ATP1A3: variants seen among roughly 807,000 people sequenced by gnomAD.
ATP1A3 encodes ATPase Na+/K+ transporting subunit alpha 3, also known as sodium/potassium-transporting ATPase subunit alpha-3.
Under a neutral mutation model 108.8 loss-of-function variants are expected in ATP1A3, and 12 were observed. That is an observed-to-expected ratio of 0.11 (90% CI 0.07 to 0.18). The LOEUF is 0.18. Ranked by LOEUF, ATP1A3 falls within the 10% of genes least tolerant of loss-of-function variation. The pLI is 1.00. For synonymous variants in ATP1A3, 539 were observed against 564.5 expected (o/e 0.95, Z 0.64); for missense variants, 498 against 1,387.7 (o/e 0.36, Z 10.19).
At chr19:41,987,841 G>T in intron 4 of ATP1A3, 95 bp downstream of exon 4, 3 of 1,429,872 alleles carry the variant, frequency 2.1e-6, no homozygotes, top group Non-Finnish European at 2.9e-6. Flanking sequence ...GGGAGAGTGG[G>T]CTGTGAAAAG....
At position 41,978,597 on chromosome 19, in the gene ATP1A3, G is replaced by A; in HGVS notation, c.1630+9C>T. The A allele has an allele frequency of 6.2e-7, 1 of 1,612,708 alleles. No homozygotes were observed. The highest frequency in any genetic ancestry group is 1.1e-5 in the South Asian group (1 of 91,064). The stretch of plus-strand genomic sequence containing the variant: ...CAGGGACCCCAGAGCCCGCCCGGCA[G>A]CCTCGCACCAAGCACGCGCTCGCCC... On this transcript the variant is annotated intron_variant, in intron 12 of 22. Coordinates refer to ENST00000648268, the MANE Select transcript of ATP1A3 (RefSeq NM_152296.5). This position sits in a 1 kb window ranked among gnomAD's most constrained non-coding sequence, Gnocchi z 8.3.
Position 41,966,694 on chromosome 19 carries a change from T to C in ATP1A3, c.*243A>G. ...AGGGAGGTGGCTGGGGCGGGAGGAA[T>C]GGATAGAGGGGTGAGGAGAGGGAGA... is the stretch of plus-strand genomic sequence containing the variant. On this transcript the variant is annotated 3_prime_UTR_variant, in exon 23 of 23. Transcript: ENST00000648268. 1 of 1,529,636 alleles carries C rather than the reference T, an allele frequency of 6.5e-7. No individual in the cohort carries two copies. The allele number at this position is 1,529,636 out of a possible 1,614,324, so 94.8% of individuals were successfully genotyped here. A position where few individuals can be genotyped will look rare whatever the true frequency, so the allele number is the denominator to read the frequency against.
chr19:41,968,637 C>T lies in ATP1A3; in HGVS notation c.2819+148G>A. 1.5e-6 allele frequency: 2 copies of T among 1,335,676 alleles called. No individual in the cohort carries two copies. The highest frequency in any genetic ancestry group is 1.0e-6 in the Non-Finnish European group (1 of 974,144). The allele number at this position is 1,335,676 out of a possible 1,614,324, so 82.7% of individuals were successfully genotyped here. On this transcript the variant is annotated intron_variant, in intron 20 of 22. Transcript: ENST00000648268. The surrounding 1 kb of genome is among the most constrained non-coding windows in gnomAD (Gnocchi z 5.0). The stretch of plus-strand genomic sequence containing the variant: ...GCTGCAGTGAGCTATGATTACACCA[C>T]TGAACTCCAGTCTGGGTGACAGAGT...
chr19:41,976,759 G>A (rs1335778858), intron 14 of ATP1A3, among the ~76,000 whole-genome samples, 193 bp from the exon 15 acceptor site: 1 of 152,092 alleles, frequency 6.6e-6, no homozygotes, highest in Non-Finnish European at 1.5e-5. Flanking sequence ...GGGCAGACCT[G>A]AGGAAGGACT....
chr19:41,986,360 G>A, intron 4 of ATP1A3, 131 bp from the exon 5 acceptor site: 1 of 803,698 alleles, frequency 1.2e-6, no homozygotes, highest in South Asian at 1.6e-5. Context: ...ACCCTAGGTT[G>A]GTTATGAGGG....
rs1244581597 is a variant in ATP1A3 at position 41,988,661 on chromosome 19, G to T, written c.7-99C>A. ...CCCTCCATGCCCCAGCTATCCTCCT[G>T]GCCGGTGCCCCTGCATCTCTGGGTG... On this transcript the variant is annotated intron_variant, in intron 1 of 22. Coordinates refer to ENST00000648268, the MANE Select transcript of ATP1A3 (RefSeq NM_152296.5). This position sits in a 1 kb window ranked among gnomAD's most constrained non-coding sequence, Gnocchi z 5.3. The T allele has an allele frequency of 8.1e-6, 13 of 1,604,564 alleles. No homozygotes were observed. Among genetic ancestry groups the T allele is most frequent in the Non-Finnish European group, 1.1e-5 (13 of 1,176,834 alleles).
At position 41,975,804 on chromosome 19, in the gene ATP1A3, G is replaced by GGA; in HGVS notation, c.2095-9_2095-8dup. On this transcript the variant is annotated splice_polypyrimidine_tract_variant and splice_region_variant and intron_variant, in intron 15 of 22. Transcript: ENST00000648268. Reference sequence around the variant, plus strand: ...TCACAGCCACAATTGCACCCTGGAGGGAGAGAGGGTAAGGATGACACCCAG... The same window carrying GGA: ...TCACAGCCACAATTGCACCCTGGAGGGAGAGAGAGGGTAAGGATGACACCCAG... 1 of 1,613,996 alleles carries GGA rather than the reference G, an allele frequency of 6.2e-7. No individual in the cohort carries two copies. The highest frequency in any genetic ancestry group is 8.5e-7 in the Non-Finnish European group (1 of 1,179,960).
chr19:41,988,029 C>G lies in ATP1A3; in HGVS notation c.264G>C (p.Gly88=). The G allele has an allele frequency of 6.2e-7, 1 of 1,614,112 alleles. No homozygotes were observed. The highest frequency in any genetic ancestry group is 8.5e-7 in the Non-Finnish European group (1 of 1,180,028). The change falls in exon 4 of 23, where the codon GGG becomes GGC. Residue 88 remains glycine, a synonymous_variant. Transcript: ENST00000648268. This position sits in a 1 kb window ranked among gnomAD's most constrained non-coding sequence, Gnocchi z 5.3. ...CGATCCACAGCAGGATGGAGAAGCC[C>G]CCGAAGAGCTGCCGGCAAAACTTGA... ...EWVKFCRQLF[G]GFSILLWIGA... is the part of the protein sequence containing the mutation.
In ATP1A3 at chr19:41,985,340, C is replaced by T. The variant is rs1555865010; in HGVS notation, c.690G>A (p.Arg230=). 1 of 1,614,090 alleles carries T rather than the reference C, an allele frequency of 6.2e-7. No individual in the cohort carries two copies. The highest frequency in any genetic ancestry group is 1.3e-5 in the African/African-American group (1 of 74,938). Residue 230 remains arginine, a synonymous_variant, in exon 7 of 23, where the codon CGG becomes CGA. Transcript: ENST00000648268. The surrounding 1 kb of genome is among the most constrained non-coding windows in gnomAD (Gnocchi z 8.2). Reference sequence around the variant, plus strand: ...AGTTGGTGGAAAAGAAGGTGATGTTCCGAGTCTCCAAGGGGTTGTCGTGAG... The same window carrying T: ...AGTTGGTGGAAAAGAAGGTGATGTTTCGAGTCTCCAAGGGGTTGTCGTGAG... The part of the protein sequence containing the change: ...DCTHDNPLET[R]NITFFSTNCV...
Position 41,982,126 on chromosome 19 carries a change from A to C in ATP1A3, c.994-20T>G, listed in dbSNP as rs138485069. On this transcript the variant is annotated intron_variant, in intron 8 of 22. Coordinates refer to ENST00000648268, the MANE Select transcript of ATP1A3 (RefSeq NM_152296.5). ...ACACACCTGGAGGACGAGCAAGGGC[A>C]GGCAAGTTACAGGGACAAGCCCGGC... 32,028 of 1,614,018 alleles carry C rather than the reference A, an allele frequency of 0.02. 389 individuals carry two copies. The highest frequency in any genetic ancestry group is 0.023 in the Non-Finnish European group (27,727 of 1,180,010).
In ATP1A3 at chr19:41,966,787, G is replaced by A. The variant is rs1444488896; in HGVS notation, c.*150C>T. ...GGGAGAGAAGCCAGCCAGAGTGGGGGCGGCAGGAGATAGTGGAGGGGGTGG... is the reference window on the plus strand; with the variant it reads ...GGGAGAGAAGCCAGCCAGAGTGGGGACGGCAGGAGATAGTGGAGGGGGTGG... On this transcript the variant is annotated 3_prime_UTR_variant, in exon 23 of 23. Coordinates refer to ENST00000648268, the MANE Select transcript of ATP1A3 (RefSeq NM_152296.5). 2.7e-5 allele frequency: 41 copies of A among 1,525,190 alleles called. No individual in the cohort carries two copies. In the East Asian group the frequency reaches 9.8e-4, roughly 37 times the overall value. 94.5% of individuals were successfully genotyped at this position (1,525,190 alleles called of 1,614,324 possible). A position where few individuals can be genotyped will look rare whatever the true frequency, so the allele number is the denominator to read the frequency against.
Position 41,978,492 on chromosome 19 carries a change from C to T in ATP1A3, c.1630+114G>A. The stretch of plus-strand genomic sequence containing the variant: ...CCTCTCATCCATCCATTCATTCATT[C>T]ATTCATTCATTTACAGTATATTCTG... On this transcript the variant is annotated intron_variant, in intron 12 of 22. Coordinates refer to ENST00000648268, the MANE Select transcript of ATP1A3 (RefSeq NM_152296.5). This position sits in a 1 kb window ranked among gnomAD's most constrained non-coding sequence, Gnocchi z 8.3. The T allele has an allele frequency of 6.6e-7, 1 of 1,508,198 alleles. No homozygotes were observed. The highest frequency in any genetic ancestry group is 9.1e-7 in the Non-Finnish European group (1 of 1,100,046). The allele number at this position is 1,508,198 out of a possible 1,614,324, so 93.4% of individuals were successfully genotyped here. A position where few individuals can be genotyped will look rare whatever the true frequency, so the allele number is the denominator to read the frequency against.
Position 41,967,044 on chromosome 19 carries a change from G to A in ATP1A3, c.3014-79C>T, listed in dbSNP as rs1555858760. The A allele has an allele frequency of 9.0e-6, 14 of 1,551,558 alleles. No individual in the cohort carries two copies. The South Asian group carries it at 1.3e-4, about 15-fold the overall frequency. ...GGCAAGGCGAGCCGCCCAGCAGAGA[G>A]AGGGACAGAGAGGGAGAGAGACAAG... On this transcript the variant is annotated intron_variant, in intron 22 of 22. Coordinates refer to ENST00000648268, the MANE Select transcript of ATP1A3 (RefSeq NM_152296.5). This position sits in a 1 kb window ranked among gnomAD's most constrained non-coding sequence, Gnocchi z 4.2.
intron 4 of ATP1A3, 64 bp from the exon 5 acceptor site, chr19:41,986,293 C>G: frequency 6.6e-7 from 1 of 1,524,458 alleles, no homozygotes; most frequent in Non-Finnish European, 9.1e-7. Context: ...AGTCCCTGCT[C>G]GCCTGGAGTC....
intron 4 of ATP1A3, among the ~76,000 whole-genome samples, chr19:41,987,074 T>G (rs1555865710): frequency 6.6e-6 from 1 of 152,214 alleles, no homozygotes; most frequent in African/African-American, 2.4e-5. Context: ...GTGTCTGTCC[T>G]CCTGCACATG....
At chr19:41,991,716 A>C (rs2075340160) in intron 1 of ATP1A3, among the ~76,000 whole-genome samples, 1 of 151,932 alleles carries the variant, frequency 6.6e-6, no homozygotes, top group Non-Finnish European at 1.5e-5. Context: ...ACTCTCAGAT[A>C]CTGAGAGAGG....
At chr19:41,983,639 C>T (rs2075257209) in intron 8 of ATP1A3, among the ~76,000 whole-genome samples, 1 of 147,266 alleles carries the variant, frequency 6.8e-6, no homozygotes, top group East Asian at 2.0e-4. Context: ...GATGGAGTCT[C>T]CCTCTGTCAC....
Position 41,994,152 on chromosome 19 carries a change from TG to T in ATP1A3, c.-77del. Reference sequence around the variant, plus strand: ...GGCGGGCTCAGGCTCAGGCTTGGGCTGGGAGCCTCTGCAGCGCCCGCGCCTC... The same window carrying T: ...GGCGGGCTCAGGCTCAGGCTTGGGCTGGAGCCTCTGCAGCGCCCGCGCCTC... On this transcript the variant is annotated 5_prime_UTR_variant, in exon 1 of 23. Coordinates refer to ENST00000648268, the MANE Select transcript of ATP1A3 (RefSeq NM_152296.5). 7.0e-7 allele frequency: 1 copy of T among 1,427,910 alleles called. No individual in the cohort carries two copies. The highest frequency in any genetic ancestry group is 9.3e-7 in the Non-Finnish European group (1 of 1,071,106). The allele number at this position is 1,427,910 out of a possible 1,614,324, so 88.5% of individuals were successfully genotyped here.
rs1555863432 is a variant in ATP1A3, at chr19:41,981,671, C to T, written c.1303-35G>A. The T allele has an allele frequency of 1.2e-6, 2 of 1,614,180 alleles. No individual in the cohort carries two copies. Among genetic ancestry groups the T allele is most frequent in the East Asian group, 4.5e-5 (2 of 44,882 alleles). ...GAAAGGGTTGTCAGAACAGGGACAG[C>T]TGAGGGGAGGACACAGGCAGGGCCG... On this transcript the variant is annotated intron_variant, in intron 10 of 22. Transcript: ENST00000648268. The surrounding 1 kb of genome is among the most constrained non-coding windows in gnomAD (Gnocchi z 5.0).
Sources: allele counts gnomAD v4.1 joint callset (sites outside exome capture counted in the v4.1 genomes callset), GRCh38; gene constraint gnomAD v4.1.1; non-coding constraint Gnocchi (gnomAD v3.1); transcripts MANE v1.5; gene names NCBI Gene and HGNC (gene_info 2026-07-23, HGNC 2026-07-21).